Variants in TEX15 observed in about 807,000 individuals in gnomAD.
The protein encoded by TEX15 is testis-expressed protein 15.
TEX15 carries 171 observed loss-of-function variants against 237.3 expected under a neutral mutation model. That is an observed-to-expected ratio of 0.72 (90% CI 0.64 to 0.82). The LOEUF (loss-of-function observed/expected upper bound fraction) is 0.82. Among genes scored for constraint, TEX15 ranks in the 40% least tolerant of loss-of-function variants. The pLI is 0.00. For missense variants in TEX15, 3,750 were observed against 3,646.5 expected, an observed-to-expected ratio of 1.03 and a Z score of -0.73; for synonymous variants, 1,338 against 1,269.8, an observed-to-expected ratio of 1.05 and a Z score of -1.14.
intron 2 of TEX15, among the ~76,000 whole-genome samples, chr8:30,889,941 A>ATATACG (rs1381796928): frequency 1.5e-5 from 2 of 130,036 alleles, no homozygotes; most frequent in African/African-American, 7.0e-5. Flanking sequence ...ATACATATAT[A>ATATACG]TATATATATA....
At chr8:30,870,057 T>C (rs1018709509) in intron 4 of TEX15, among the ~76,000 whole-genome samples, 1 of 151,984 alleles carries the variant, frequency 6.6e-6, no homozygotes, top group African/African-American at 2.4e-5. Context: ...CTTTAAGCTA[T>C]GGGGTGGAAA....
intron 7 of TEX15, among the ~76,000 whole-genome samples, chr8:30,855,906 G>C (rs931642063): frequency 1.3e-5 from 2 of 152,066 alleles, no homozygotes; most frequent in Non-Finnish European, 2.9e-5. Flanking sequence ...AGTTGCTTAG[G>C]GCTGGGGGTC....
intron 1 of TEX15, among the ~76,000 whole-genome samples, chr8:30,901,003 C>G (rs911069147): frequency 6.6e-6 from 1 of 152,094 alleles, no homozygotes; most frequent in Non-Finnish European, 1.5e-5. Context: ...AAAAAATTAG[C>G]CAGGCGTGCC....
rs1807328853 is a variant in TEX15 at position 30,837,376 on chromosome 8, A to G, written c.8908T>C (p.Leu2970=). Residue 2970 remains leucine (L), a synonymous_variant, in exon 10 of 11, where the codon TTG becomes CTG. Transcript: ENST00000643185. ...ESEDKYMKDT[L]NPNTVHTFGA... ...AAAGTATGCACAGTATTGGGATTCA[A>G]TGTATCCTTCATGTATTTGTCCTCT... 1 of 1,614,080 alleles carries G rather than the reference A, an allele frequency of 6.2e-7. No homozygotes were observed. The highest frequency in any genetic ancestry group is 8.5e-7 in the Non-Finnish European group (1 of 1,179,954).
chr8:30,870,094 C>A (rs1009417219), intron 4 of TEX15, among the ~76,000 whole-genome samples: 1 of 151,702 alleles, frequency 6.6e-6, no homozygotes, highest in East Asian at 1.9e-4. Flanking sequence ...ACACTCAAGT[C>A]TTAGAATTTG....
At position 30,859,980 on chromosome 8, in the gene TEX15, A is replaced by G; in HGVS notation, c.618T>C (p.Phe206=). ...NKVSLDPSPN[F]DCHMSRNAPS... ...GTGCATTTCTTGACATATGGCAATC[A>G]AAGTTAGGAGAAGGATCCAAAGAAA... Residue 206 remains phenylalanine (F), a synonymous_variant, in exon 6 of 11, where the codon TTT becomes TTC. Transcript: ENST00000643185. 6.6e-7 allele frequency: 1 copy of G among 1,521,620 alleles called. No homozygotes were observed. Among genetic ancestry groups the G allele is most frequent in the Non-Finnish European group, 8.8e-7 (1 of 1,141,732 alleles). The allele number at this position is 1,521,620 out of a possible 1,614,324, so 94.3% of individuals were successfully genotyped here. A position where few individuals can be genotyped will look rare whatever the true frequency, so the allele number is the denominator to read the frequency against.
At chr8:30,850,987 C>G (rs1341976297) in intron 7 of TEX15, among the ~76,000 whole-genome samples, 1 of 151,964 alleles carries the variant, frequency 6.6e-6, no homozygotes, top group Non-Finnish European at 1.5e-5. Flanking sequence ...ATGATTAATA[C>G]TATACAAATG....
intron 3 of TEX15, among the ~76,000 whole-genome samples, chr8:30,880,234 T>C (rs1043194489): frequency 5.5e-5 from 3 of 54,076 alleles, no homozygotes; most frequent in Non-Finnish European, 8.5e-5. Flanking sequence ...TTTCGCCATG[T>C]GGCCAGGCTG....
intron 2 of TEX15, among the ~76,000 whole-genome samples, chr8:30,889,677 G>A (rs930619501): frequency 6.6e-6 from 1 of 151,978 alleles, no homozygotes; most frequent in Middle Eastern, 3.4e-3. Context: ...TGTGCTCAGC[G>A]ATTTTTCAGT....
chr8:30,833,754 T>C (rs1807233499), intron 10 of TEX15, among the ~76,000 whole-genome samples: 1 of 152,236 alleles, frequency 6.6e-6, no homozygotes, highest in Non-Finnish European at 1.5e-5. Context: ...TTTACACTCA[T>C]GATAACTCAA....
intron 1 of TEX15, among the ~76,000 whole-genome samples, chr8:30,906,546 T>A (rs1421355924): frequency 6.7e-6 from 1 of 148,818 alleles, no homozygotes; most frequent in Non-Finnish European, 1.5e-5. Context: ...GCCGAGATTG[T>A]GCCACTGCAC....
At chr8:30,884,033 A>G (rs1239630424) in intron 3 of TEX15, among the ~76,000 whole-genome samples, 1 of 152,180 alleles carries the variant, frequency 6.6e-6, no homozygotes, top group Non-Finnish European at 1.5e-5. Flanking sequence ...CTACTGTACC[A>G]CACAGGCTGA....
intron 1 of TEX15, among the ~76,000 whole-genome samples, chr8:30,907,714 T>C (rs1809137970): frequency 7.2e-6 from 1 of 137,960 alleles, no homozygotes; most frequent in Non-Finnish European, 1.5e-5. Flanking sequence ...ATAAATTAGA[T>C]ATAAAATTTA....
intron 1 of TEX15, among the ~76,000 whole-genome samples, chr8:30,912,224 G>A (rs949154436): frequency 6.6e-6 from 1 of 152,198 alleles, no homozygotes; most frequent in African/African-American, 2.4e-5. Context: ...CTCTGCAGGG[G>A]AGAATGAGGC....
chr8:30,895,700 T>TTTTTTTTA (rs1808891192), intron 2 of TEX15, among the ~76,000 whole-genome samples: 3 of 126,808 alleles, frequency 2.4e-5, no homozygotes, highest in South Asian at 2.8e-4. Flanking sequence ...TTTTTTTTTT[T>TTTTTTTTA]GAGCAGAGTC....
At chr8:30,833,848 CTTTTA>C (rs1485510914) in intron 10 of TEX15, among the ~76,000 whole-genome samples, 2 of 151,792 alleles carry the variant, frequency 1.3e-5, no homozygotes, top group Admixed American at 6.6e-5. Flanking sequence ...ATTTCTTTTT[CTTTTA>C]TTTTAATTGG....
At chr8:30,886,973 T>G (rs1434427746) in intron 3 of TEX15, 194 bp downstream of exon 3, 2 of 443,118 alleles carry the variant, frequency 4.5e-6, no homozygotes, top group South Asian at 1.3e-4. Context: ...TTTTTAGGTG[T>G]ACTTAGTGGG....
At chr8:30,871,437 C>G (rs552179482) in intron 4 of TEX15, among the ~76,000 whole-genome samples, 4 of 152,204 alleles carry the variant, frequency 2.6e-5, no homozygotes, top group Admixed American at 2.6e-4. Flanking sequence ...AGCAACGAGG[C>G]TTCCTTGCTC....
chr8:30,848,556 A>G lies in TEX15; in HGVS notation c.1611T>C (p.Asn537=), dbSNP rs62000455. 2.4e-3 allele frequency: 3,841 copies of G among 1,614,036 alleles called. 92 individuals carry two copies. The African/African-American group carries it at 0.045, about 19-fold the overall frequency. The part of the protein sequence containing the change: ...TMAGQCKDQG[N]FSFPISVSNV... ...TTGACACAGAAATTGGGAAGGAAAA[A>G]TTACCTTGGTCCTTACATTGCCCTG... The change falls in exon 8 of 11, where the codon AAT becomes AAC. Residue 537 remains asparagine, a synonymous_variant. Transcript: ENST00000643185.
Sources: gnomAD v4.1 joint callset for allele counts (sites outside exome capture counted in the v4.1 genomes callset) on GRCh38, gnomAD v4.1.1 for gene constraint, MANE v1.5 for transcripts, NCBI Gene and HGNC (gene_info 2026-07-23, HGNC 2026-07-21) for gene names.